NARS2: variants seen among roughly 807,000 people sequenced by gnomAD.
The protein encoded by NARS2 is asparaginyl-tRNA synthetase 2, mitochondrial, also known as asparaginyl-tRNA synthetase.
NARS2 carries 60 observed loss-of-function variants against 62.9 expected under a neutral mutation model. The ratio of observed to expected loss-of-function variants is 0.95; its 90% CI spans 0.77 to 1.18. The LOEUF (loss-of-function observed/expected upper bound fraction) is 1.18, where lower values mean the gene tolerates loss of function less well. Among genes scored for constraint, NARS2 ranks in the 50% most tolerant of loss-of-function variants. The pLI is 0.00. For synonymous variants in NARS2, 196 were observed against 200.0 expected, an observed-to-expected ratio of 0.98 and a Z score of 0.17; for missense variants, 619 against 576.4, an observed-to-expected ratio of 1.07 and a Z score of -0.76.
intron 6 of NARS2, among the ~76,000 whole-genome samples, chr11:78,510,520 G>A (rs1224553454): frequency 6.6e-6 from 1 of 152,010 alleles, no homozygotes; most frequent in East Asian, 1.9e-4. Context: ...CAATACTATT[G>A]GAAACCTCTC....
At chr11:78,482,768 A>T (rs564928238) in intron 7 of NARS2, among the ~76,000 whole-genome samples, 2 of 152,278 alleles carry the variant, frequency 1.3e-5, no homozygotes, top group South Asian at 4.1e-4. Flanking sequence ...CCAACCAAAA[A>T]AGCCCAGGAC....
intron 5 of NARS2, among the ~76,000 whole-genome samples, chr11:78,550,926 C>T (rs920513414): frequency 2.6e-5 from 4 of 152,138 alleles, no homozygotes; most frequent in East Asian, 1.9e-4. Flanking sequence ...GAATGAAGTA[C>T]TGATACATAC....
At chr11:78,457,822 ACACACAAAC>A in intron 11 of NARS2, among the ~76,000 whole-genome samples, 1 of 151,410 alleles carries the variant, frequency 6.6e-6, no homozygotes, top group Non-Finnish European at 1.5e-5. Flanking sequence ...ACACACACAC[ACACACAAAC>A]ACACACACAC....
At chr11:78,505,293 C>G (rs1265508069) in intron 6 of NARS2, among the ~76,000 whole-genome samples, 1 of 146,654 alleles carries the variant, frequency 6.8e-6, no homozygotes, top group East Asian at 2.0e-4. Flanking sequence ...CACACACACA[C>G]ACACACACAC....
intron 6 of NARS2, among the ~76,000 whole-genome samples, chr11:78,521,201 G>A (rs187363074): frequency 7.2e-6 from 1 of 139,440 alleles, no homozygotes; most frequent in South Asian, 2.3e-4. Flanking sequence ...GTTTCATTCT[G>A]TTGCCCAGGC....
chr11:78,538,719 G>C (rs1014866168), intron 5 of NARS2, among the ~76,000 whole-genome samples: 1 of 152,084 alleles, frequency 6.6e-6, no homozygotes, highest in Non-Finnish European at 1.5e-5. Flanking sequence ...GGTTAGGCCG[G>C]GCGCGGTGGC....
At chr11:78,506,458 T>C (rs1338830500) in intron 6 of NARS2, among the ~76,000 whole-genome samples, 5 of 152,170 alleles carry the variant, frequency 3.3e-5, no homozygotes, top group Non-Finnish European at 5.9e-5. Context: ...TTGACAGTAT[T>C]TTGGGAAGAT....
intron 5 of NARS2, among the ~76,000 whole-genome samples, chr11:78,551,687 C>T (rs912791366): frequency 2.0e-5 from 3 of 151,928 alleles, no homozygotes; most frequent in African/African-American, 7.3e-5. Context: ...CCCGTCTCTA[C>T]TAAAAATACA....
At chr11:78,489,451 T>C (rs1050129549) in intron 7 of NARS2, among the ~76,000 whole-genome samples, 1 of 152,204 alleles carries the variant, frequency 6.6e-6, no homozygotes, top group Non-Finnish European at 1.5e-5. Context: ...TTGGTACTAA[T>C]GAAGAACTAG....
intron 6 of NARS2, among the ~76,000 whole-genome samples, chr11:78,519,350 C>A (rs1861027304): frequency 2.0e-5 from 3 of 151,954 alleles, no homozygotes. Context: ...AGTTGATTGC[C>A]CCAAACTGAA....
chr11:78,515,769 T>C (rs1159753691), intron 6 of NARS2, among the ~76,000 whole-genome samples: 1 of 152,140 alleles, frequency 6.6e-6, no homozygotes, highest in Non-Finnish European at 1.5e-5. Context: ...AGCCGTCCTC[T>C]TGCCTCGGCC....
intron 6 of NARS2, among the ~76,000 whole-genome samples, chr11:78,507,056 C>T (rs573049660): frequency 3.9e-5 from 6 of 152,176 alleles, no homozygotes; most frequent in Non-Finnish European, 7.4e-5. Flanking sequence ...AAAAAAGGAT[C>T]CTCCAAATAC....
rs116400241 is a variant in NARS2, at chr11:78,450,326, T to C, written c.1165-6568A>G. 6.1e-3 allele frequency among the ~76,000 whole-genome samples: 931 copies of C among 152,364 alleles called. 7 individuals carry two copies. Among genetic ancestry groups the C allele is most frequent in the African/African-American group, 0.021 (870 of 41,586 alleles). On this transcript the variant is annotated intron_variant, in intron 11 of 13. Coordinates refer to ENST00000281038, the MANE Select transcript of NARS2 (RefSeq NM_024678.6). The stretch of plus-strand genomic sequence containing the variant: ...TATGGAAGAACTTACCAAAATAGGC[T>C]ATTTTCACGGGATAAAAATTTTAGA...
rs142298861 is a variant in NARS2 at position 78,436,347 on chromosome 11, G to A, written c.*323C>T. On this transcript the variant is annotated 3_prime_UTR_variant, in exon 14 of 14. Transcript: ENST00000281038. ...GAGTGATTTAATGATTATAGACAACGTAAAATACATTATCTCATTCTGTTT... is the reference window on the plus strand; with the variant it reads ...GAGTGATTTAATGATTATAGACAACATAAAATACATTATCTCATTCTGTTT... 7.3e-4 allele frequency: 156 copies of A among 214,016 alleles called. No individual in the cohort carries two copies. The Middle Eastern group carries it at 8.7e-3, about 12-fold the overall frequency. The allele number at this position is 214,016 out of a possible 1,614,324, so 13.3% of individuals were successfully genotyped here.
chr11:78,574,567 C>A lies in NARS2; in HGVS notation c.-79G>T, dbSNP rs1857060394. ...CCCGCCTGCAGCGGCCCTCCTTTCT[C>A]AGCTGCTCCCCTTCCGCGGCCGCAG... On this transcript the variant is annotated 5_prime_UTR_variant, in exon 1 of 14. Transcript: ENST00000281038. 1 of 1,455,302 alleles carries A rather than the reference C, an allele frequency of 6.9e-7. No homozygotes were observed. Among genetic ancestry groups the A allele is most frequent in the Non-Finnish European group, 9.1e-7 (1 of 1,097,962 alleles). The allele number at this position is 1,455,302 out of a possible 1,614,324, so 90.1% of individuals were successfully genotyped here. A position where few individuals can be genotyped will look rare whatever the true frequency, so the allele number is the denominator to read the frequency against.
At chr11:78,442,727 G>A (rs971111482) in intron 12 of NARS2, among the ~76,000 whole-genome samples, 1 of 151,972 alleles carries the variant, frequency 6.6e-6, no homozygotes, top group Non-Finnish European at 1.5e-5. Flanking sequence ...TGTATATGTA[G>A]GAGTGGCGGT....
At chr11:78,454,214 A>G (rs1858072120) in intron 11 of NARS2, among the ~76,000 whole-genome samples, 1 of 152,042 alleles carries the variant, frequency 6.6e-6, no homozygotes, top group South Asian at 2.1e-4. Flanking sequence ...TCTCTTCCTT[A>G]TCTTTTCTTT....
At chr11:78,497,383 TCA>T (rs1056443983) in intron 6 of NARS2, among the ~76,000 whole-genome samples, 6 of 152,164 alleles carry the variant, frequency 3.9e-5, no homozygotes, top group Admixed American at 6.5e-5. Flanking sequence ...CCCTGAAATT[TCA>T]CAGTGAATCT....
intron 11 of NARS2, among the ~76,000 whole-genome samples, chr11:78,444,620 G>A (rs753813966): frequency 6.6e-6 from 1 of 151,548 alleles, no homozygotes; most frequent in Non-Finnish European, 1.5e-5. Flanking sequence ...TTGGGAGGCC[G>A]AGGCAGGAGA....
Sources: allele counts gnomAD v4.1 joint callset (sites outside exome capture counted in the v4.1 genomes callset), GRCh38; gene constraint gnomAD v4.1.1; transcripts MANE v1.5; gene names NCBI Gene and HGNC (gene_info 2026-07-23, HGNC 2026-07-21).